IL1RAPL1: variants seen among roughly 807,000 people sequenced by gnomAD.
IL1RAPL1 encodes the protein interleukin 1 receptor accessory protein like 1, also known as interleukin-1 receptor accessory protein-like 1.
Under a neutral mutation model 48.4 loss-of-function variants are expected in IL1RAPL1, and 3 were observed. The observed-to-expected ratio is 0.06, with a 90% CI of 0.03 to 0.16. IL1RAPL1 has a LOEUF of 0.16. Among genes scored for constraint, IL1RAPL1 ranks in the 10% least tolerant of loss-of-function variants. The pLI is 1.00. For synonymous variants in IL1RAPL1, 185 were observed against 187.7 expected, an observed-to-expected ratio of 0.99 and a Z score of 0.12; for missense variants, 349 against 530.6, an observed-to-expected ratio of 0.66 and a Z score of 3.36.
chrX:29,317,024 G>A (rs953064925), intron 3 of IL1RAPL1, among the ~76,000 whole-genome samples: 1 of 111,385 alleles, frequency 9.0e-6, no homozygotes, highest in Non-Finnish European at 1.9e-5. Flanking sequence ...TTTCTCTGGG[G>A]TCTCAGTGGC....
At chrX:29,234,091 C>T (rs1931248510) in intron 2 of IL1RAPL1, among the ~76,000 whole-genome samples, 2 of 112,062 alleles carry the variant, frequency 1.8e-5, no homozygotes, top group South Asian at 3.8e-4. Flanking sequence ...GCGTGGCTGG[C>T]ACCTCAATAC....
Position 28,587,852 on chromosome X carries a change from C to A in IL1RAPL1, c.-220C>A, listed in dbSNP as rs896558960. ...CTGGAGACAGTCTTGTAGGGAAGAT[C>A]TGTATGGAATTATCTGCTTTTATGG... is the stretch of plus-strand genomic sequence containing the variant. On this transcript the variant is annotated 5_prime_UTR_variant, in exon 1 of 11. It adds an upstream start codon to the 5' untranslated region. Coordinates refer to ENST00000378993, the MANE Select transcript of IL1RAPL1 (RefSeq NM_014271.4). 1.8e-5 allele frequency: 2 copies of A among 109,902 alleles called. No individual in the cohort carries two copies. 9.1% of individuals were successfully genotyped at this position (109,902 alleles called of 1,213,427 possible).
chrX:29,741,601 C>T (rs931977122), intron 6 of IL1RAPL1, among the ~76,000 whole-genome samples: 7 of 110,393 alleles, frequency 6.3e-5, no homozygotes, highest in Admixed American at 4.9e-4. Context: ...TTGGGACAGT[C>T]TGCAGTCATA....
chrX:29,726,377 AAC>A (rs774092839), intron 6 of IL1RAPL1, among the ~76,000 whole-genome samples: 1 of 112,172 alleles, frequency 8.9e-6, no homozygotes, highest in East Asian at 2.8e-4. Flanking sequence ...GATAACCCTT[AAC>A]ACCCTGGATA....
intron 6 of IL1RAPL1, among the ~76,000 whole-genome samples, chrX:29,687,314 T>A (rs1448348095): frequency 8.9e-6 from 1 of 112,325 alleles, no homozygotes; most frequent in Non-Finnish European, 1.9e-5. Context: ...GAAATACTAT[T>A]CCATCATGAA....
intron 6 of IL1RAPL1, among the ~76,000 whole-genome samples, chrX:29,796,360 ACTC>A (rs1929742071): frequency 1.8e-5 from 2 of 111,871 alleles, no homozygotes; most frequent in African/African-American, 6.5e-5. Flanking sequence ...CTAGAAATCT[ACTC>A]CTGAAAATCC....
intron 2 of IL1RAPL1, among the ~76,000 whole-genome samples, chrX:29,232,879 A>C (rs1931226078): frequency 9.1e-6 from 1 of 109,840 alleles, no homozygotes; most frequent in South Asian, 3.9e-4. Context: ...GCTCACTGCA[A>C]CCTCCACCTC....
intron 2 of IL1RAPL1, among the ~76,000 whole-genome samples, chrX:29,065,967 T>C (rs1323217753): frequency 1.8e-5 from 2 of 112,114 alleles, no homozygotes; most frequent in Non-Finnish European, 3.8e-5. Context: ...TTTATTATTT[T>C]GAACATGCTT....
At chrX:29,649,668 A>T (rs955748497) in intron 5 of IL1RAPL1, among the ~76,000 whole-genome samples, 3 of 111,793 alleles carry the variant, frequency 2.7e-5, no homozygotes, top group Admixed American at 9.5e-5. Context: ...AATGGGGAAA[A>T]GTTGTAAGCT....
intron 2 of IL1RAPL1, among the ~76,000 whole-genome samples, chrX:29,281,768 G>C (rs1252442321): frequency 8.9e-6 from 1 of 112,339 alleles, no homozygotes; most frequent in East Asian, 2.8e-4. Flanking sequence ...GGGGATTATA[G>C]TAATGAAGGG....
intron 2 of IL1RAPL1, among the ~76,000 whole-genome samples, chrX:29,133,769 A>T (rs225063): frequency 9.0e-6 from 1 of 110,847 alleles, no homozygotes; most frequent in South Asian, 3.7e-4. Context: ...ACATGATGTC[A>T]TGTGTCACCA....
chrX:29,829,171 C>T (rs958414744), intron 6 of IL1RAPL1, among the ~76,000 whole-genome samples: 75 of 96,625 alleles, frequency 7.8e-4, no homozygotes, highest in Non-Finnish European at 1.0e-3. Flanking sequence ...CACACACACA[C>T]ACACACACAC....
At chrX:29,776,965 C>G (rs757739546) in intron 6 of IL1RAPL1, among the ~76,000 whole-genome samples, 2 of 112,033 alleles carry the variant, frequency 1.8e-5, no homozygotes, top group Admixed American at 9.5e-5. Flanking sequence ...AAAACTTGCT[C>G]TCCACTTTGG....
intron 6 of IL1RAPL1, among the ~76,000 whole-genome samples, chrX:29,782,272 G>A (rs1417221618): frequency 1.8e-5 from 2 of 111,324 alleles, no homozygotes; most frequent in African/African-American, 3.3e-5. Flanking sequence ...TAAAGACTGC[G>A]TTGAAGCAAT....
chrX:29,549,491 T>G (rs896471951), intron 5 of IL1RAPL1, among the ~76,000 whole-genome samples: 1 of 112,056 alleles, frequency 8.9e-6, no homozygotes, highest in African/African-American at 3.2e-5. Context: ...ATTTATAAAT[T>G]TGATTTTATC....
intron 2 of IL1RAPL1, among the ~76,000 whole-genome samples, chrX:29,078,098 C>T (rs947082530): frequency 1.8e-5 from 2 of 111,523 alleles, no homozygotes; most frequent in African/African-American, 3.3e-5. Flanking sequence ...GGTGAAACTC[C>T]GTGTCTACTA....
chrX:28,831,983 TATA>T (rs1473035955), intron 2 of IL1RAPL1, among the ~76,000 whole-genome samples: 17 of 111,482 alleles, frequency 1.5e-4, no homozygotes, highest in East Asian at 2.8e-4. Flanking sequence ...TTTATATTGA[TATA>T]ATAATTGTAC....
At chrX:29,342,122 G>T (rs1446291517) in intron 3 of IL1RAPL1, among the ~76,000 whole-genome samples, 1 of 95,365 alleles carries the variant, frequency 1.0e-5, no homozygotes, top group African/African-American at 4.5e-5. Context: ...TTGTGTGTGT[G>T]TGTGTGTGTG....
intron 5 of IL1RAPL1, among the ~76,000 whole-genome samples, chrX:29,501,802 T>TG (rs1001954673): frequency 3.7e-5 from 4 of 109,384 alleles, no homozygotes; most frequent in Non-Finnish European, 7.6e-5. Context: ...TGAGTTTTTT[T>TG]TTTTTTTTTT....
Sources: gnomAD v4.1 joint callset for allele counts (sites outside exome capture counted in the v4.1 genomes callset) on GRCh38, gnomAD v4.1.1 for gene constraint, MANE v1.5 for transcripts, NCBI Gene and HGNC (gene_info 2026-07-23, HGNC 2026-07-21) for gene names.